EI24: variants seen among roughly 807,000 people sequenced by gnomAD.
EI24 encodes EI24 autophagy associated transmembrane protein, also known as etoposide-induced protein 2.4 homolog.
In EI24, 21 loss-of-function variants were observed where a neutral mutation model predicts 48.6. The ratio of observed to expected loss-of-function variants is 0.43; its 90% confidence interval spans 0.31 to 0.62. The LOEUF (loss-of-function observed/expected upper bound fraction) is 0.62, where lower values mean the gene tolerates loss of function less well. Ranked by LOEUF, EI24 falls within the 20% of genes least tolerant of loss-of-function variation. EI24 has a pLI of 0.10. For missense variants in EI24, 280 were observed against 410.5 expected, an observed-to-expected ratio of 0.68 and a Z score of 2.75; for synonymous variants, 114 against 145.5, an observed-to-expected ratio of 0.78 and a Z score of 1.56.
At chr11:125,570,902 C>T (rs1289187248) in intron 1 of EI24, among the ~76,000 whole-genome samples, 1 of 152,172 alleles carries the variant, frequency 6.6e-6, no homozygotes, top group Non-Finnish European at 1.5e-5. Flanking sequence ...GAGAACATGT[C>T]TGTATGGCTG....
intron 4 of EI24, among the ~76,000 whole-genome samples, 154 bp downstream of exon 4, chr11:125,576,469 G>C (rs1327710434): frequency 6.6e-6 from 1 of 152,206 alleles, no homozygotes; most frequent in African/African-American, 2.4e-5. Flanking sequence ...CATCTGCAGA[G>C]ATTTTATTCC....
chr11:125,571,035 A>G (rs1430133404), intron 1 of EI24, among the ~76,000 whole-genome samples: 1 of 152,216 alleles, frequency 6.6e-6, no homozygotes. Context: ...GATTTGACCT[A>G]AGGAGCAGAG....
rs1939148098 is a variant in EI24, at chr11:125,584,349, G to A, written c.*666G>A. ...GATTTTCTTTCTTCCCCTTGAAGGGGAAAAAGCTATTTTCATTGGTACATT... is the reference window on the plus strand; with the variant it reads ...GATTTTCTTTCTTCCCCTTGAAGGGAAAAAAGCTATTTTCATTGGTACATT... On this transcript the variant is annotated 3_prime_UTR_variant, in exon 11 of 11. Transcript: ENST00000278903. The A allele has an allele frequency of 6.6e-6, 1 of 150,516 alleles. No individual in the cohort carries two copies. The highest frequency in any genetic ancestry group is 2.5e-5 in the African/African-American group (1 of 40,730). The allele number at this position is 150,516 out of a possible 1,614,324, so 9.3% of individuals were successfully genotyped here.
chr11:125,569,558 G>T lies in EI24; in HGVS notation c.-86G>T, dbSNP rs1938449315. On this transcript the variant is annotated 5_prime_UTR_variant, in exon 1 of 11. Transcript: ENST00000278903. ...GGGCTAGGGGCAGGGCCGGAGCCGC[G>T]GCGGCGGAGCTGTGGGTAGGTGCGG... The T allele has an allele frequency of 5.4e-6, 2 of 371,970 alleles. No homozygotes were observed. 23.0% of individuals were successfully genotyped at this position (371,970 alleles called of 1,614,324 possible).
intron 2 of EI24, among the ~76,000 whole-genome samples, chr11:125,573,810 T>C (rs1938628209): frequency 6.7e-6 from 1 of 149,244 alleles, no homozygotes; most frequent in Non-Finnish European, 1.5e-5. Flanking sequence ...ACCTCCCAGG[T>C]AGCTGGGATT....
chr11:125,575,281 TG>T lies in EI24; in HGVS notation c.65del (p.Gly22ValfsTer8). The T allele has an allele frequency of 1.3e-6, 2 of 1,550,180 alleles. No individual in the cohort carries two copies. Among genetic ancestry groups the T allele is most frequent in the Non-Finnish European group, 1.7e-6 (2 of 1,146,078 alleles). ...DLARGIKDSI[W>X]GICTISKLDA... ...TCTATAGGGAATCAAAGACTCCATCTGGGGTATTTGTACCATCTCAAAGCTA... is the reference window on the plus strand; with the variant it reads ...TCTATAGGGAATCAAAGACTCCATCTGGGTATTTGTACCATCTCAAAGCTA... On this transcript the variant is annotated frameshift_variant, in exon 3 of 11. Transcript: ENST00000278903. LOFTEE classifies it high-confidence loss of function.
chr11:125,578,889 CT>C, intron 6 of EI24, 59 bp from the exon 7 acceptor site: 1 of 1,533,834 alleles, frequency 6.5e-7, no homozygotes, highest in Non-Finnish European at 8.8e-7. Context: ...GTGGCCTTAG[CT>C]TTGGGGATGT....
In EI24 at chr11:125,578,713, T is replaced by A. The variant is rs534816009; in HGVS notation, c.442-236T>A. Among the ~76,000 whole-genome samples, 30 of 152,184 alleles carry A rather than the reference T, an allele frequency of 2.0e-4. No individual in the cohort carries two copies. In the South Asian group the frequency reaches 5.8e-3, roughly 29 times the overall value. The stretch of plus-strand genomic sequence containing the variant: ...CAAACTCCTGACCTGCTGATCTGCC[T>A]GCCTCGGCCTCCCAAAGTGCTGGGA... On this transcript the variant is annotated intron_variant, in intron 6 of 10. Coordinates refer to ENST00000278903, the MANE Select transcript of EI24 (RefSeq NM_004879.5).
At chr11:125,573,573 C>T (rs1463599655) in intron 2 of EI24, 1 of 302,866 alleles carries the variant, frequency 3.3e-6, no homozygotes. Context: ...GGTACCAGTG[C>T]ACTATAGCAG....
chr11:125,581,251 T>C lies in EI24; in HGVS notation c.714T>C (p.Asn238=), dbSNP rs764513764. The change falls in exon 9 of 11, where the codon AAT becomes AAC. Residue 238 remains asparagine, a synonymous_variant. Coordinates refer to ENST00000278903, the MANE Select transcript of EI24 (RefSeq NM_004879.5). ...MHQRLSNIER[N]WPYYFGFGLP... ...AGCGGTTGTCTAACATAGAAAGGAA[T>C]TGGCCTTACTACTTTGGGTTTGGTT... The C allele has an allele frequency of 1.8e-5, 29 of 1,612,616 alleles. No individual in the cohort carries two copies. In the South Asian group the frequency reaches 2.2e-4, roughly 12 times the overall value.
rs1402380004 is a variant in EI24, at chr11:125,569,502, T to A, written c.-142T>A. ...AGTGCGGGCGCAGCGGCCCCGGCCC[T>A]GGAAGCGCCCCGGCGGAGCTGGCCT... On this transcript the variant is annotated 5_prime_UTR_variant, in exon 1 of 11. Coordinates refer to ENST00000278903, the MANE Select transcript of EI24 (RefSeq NM_004879.5). The A allele has an allele frequency of 2.6e-6, 1 of 384,164 alleles. No homozygotes were observed. The allele number at this position is 384,164 out of a possible 1,614,324, so 23.8% of individuals were successfully genotyped here.
chr11:125,570,542 C>T (rs1938497533), intron 1 of EI24: 1 of 152,170 alleles, frequency 6.6e-6, no homozygotes, highest in Admixed American at 6.5e-5. Context: ...ATGCAGAAAC[C>T]AGGTGTTAGC....
intron 4 of EI24, among the ~76,000 whole-genome samples, chr11:125,576,882 T>TA (rs76489742): frequency 9.1e-4 from 138 of 152,280 alleles, no homozygotes; most frequent in East Asian, 6.0e-3. Context: ...TTTCAGATGT[T>TA]AGTTTTAAAT....
intron 1 of EI24, chr11:125,570,347 G>C (rs1012678900): frequency 6.6e-6 from 1 of 152,200 alleles, no homozygotes; most frequent in Non-Finnish European, 1.5e-5. Context: ...GATTCCCCCT[G>C]TGTCATTCAG....
intron 7 of EI24, among the ~76,000 whole-genome samples, chr11:125,579,440 C>T (rs536241340): frequency 9.9e-5 from 15 of 151,216 alleles, no homozygotes; most frequent in African/African-American, 3.6e-4. Flanking sequence ...CCGAGGTGGG[C>T]GGATCACCTA....
Position 125,583,912 on chromosome 11 carries a change from A to G in EI24, c.*229A>G. The G allele has an allele frequency of 1.8e-6, 1 of 559,756 alleles. No individual in the cohort carries two copies. The highest frequency in any genetic ancestry group is 3.2e-5 in the East Asian group (1 of 30,842). 34.7% of individuals were successfully genotyped at this position (559,756 alleles called of 1,614,324 possible). A position where few individuals can be genotyped will look rare whatever the true frequency, so the allele number is the denominator to read the frequency against. ...ACATCACCGTGAGTCTGAAAGGACC[A>G]CAGGTTTTTCTGCAGCTATTTTCTA... is the stretch of plus-strand genomic sequence containing the variant. On this transcript the variant is annotated 3_prime_UTR_variant, in exon 11 of 11. Coordinates refer to ENST00000278903, the MANE Select transcript of EI24 (RefSeq NM_004879.5).
chr11:125,576,682 T>G (rs1345148929), intron 4 of EI24, among the ~76,000 whole-genome samples: 1 of 152,238 alleles, frequency 6.6e-6, no homozygotes, highest in East Asian at 1.9e-4. Context: ...TCTCCCTGCT[T>G]CTGCTTATAG....
At chr11:125,579,721 A>G (rs933441316) in intron 7 of EI24, among the ~76,000 whole-genome samples, 2 of 152,198 alleles carry the variant, frequency 1.3e-5, no homozygotes, top group Non-Finnish European at 2.9e-5. Context: ...AGGCTGGAGT[A>G]CAGTGGCACA....
intron 10 of EI24, among the ~76,000 whole-genome samples, chr11:125,583,251 C>T (rs1939089469): frequency 6.6e-6 from 1 of 152,150 alleles, no homozygotes; most frequent in African/African-American, 2.4e-5. Flanking sequence ...CAGGCGCATG[C>T]TACCATGCCC....
Sources: gnomAD v4.1 joint callset for allele counts (sites outside exome capture counted in the v4.1 genomes callset) on GRCh38, gnomAD v4.1.1 for gene constraint, MANE v1.5 for transcripts, NCBI Gene and HGNC (gene_info 2026-07-23, HGNC 2026-07-21) for gene names.